The following GRM7 variants were observed in gnomAD, a reference collection of about 807,000 sequenced individuals.
The protein encoded by GRM7 is glutamate metabotropic receptor 7.
GRM7 carries 35 observed loss-of-function variants against 84.5 expected under a neutral mutation model. That is an observed-to-expected ratio of 0.41 (90% CI 0.32 to 0.55). The LOEUF is 0.55. GRM7 is among the 20% of genes least tolerant of loss of function. The probability of loss-of-function intolerance (pLI) is 0.19; values close to 1 mark genes in which losing one functional copy is unlikely to be tolerated. For synonymous variants in GRM7, 487 were observed against 455.1 expected, an observed-to-expected ratio of 1.07 and a Z score of -0.89; for missense variants, 1,003 against 1,194.6, an observed-to-expected ratio of 0.84 and a Z score of 2.36.
chr3:7,455,508 T>A (rs140258872), intron 6 of GRM7, among the ~76,000 whole-genome samples: 2 of 152,300 alleles, frequency 1.3e-5, no homozygotes, highest in African/African-American at 2.4e-5. Flanking sequence ...CCTTTTGATA[T>A]GATACACTGG....
rs1457925901 is a variant in GRM7 at position 6,861,533 on chromosome 3, G to A, written c.145G>A (p.Val49Ile). 1 of 1,580,322 alleles carries A rather than the reference G, an allele frequency of 6.3e-7. No individual in the cohort carries two copies. The highest frequency in any genetic ancestry group is 1.3e-5 in the African/African-American group (1 of 74,238). ...APHSIRIEGD[V>I]TLGGLFPVHA... ...GCACTCAATCCGGATCGAGGGGGACGTCACCCTCGGGGGGCTGTTCCCCGT... is the reference window on the plus strand; with the variant it reads ...GCACTCAATCCGGATCGAGGGGGACATCACCCTCGGGGGGCTGTTCCCCGT... Residue 49 changes from valine to isoleucine, a missense_variant, in exon 1 of 10, where the codon GTC becomes ATC. Val to Ile is a conservative substitution (Grantham distance 29). Transcript: ENST00000357716. This position sits in a 1 kb window ranked among gnomAD's most constrained non-coding sequence, Gnocchi z 6.4.
At chr3:7,190,174 C>G (rs1490671421) in intron 2 of GRM7, among the ~76,000 whole-genome samples, 1 of 152,134 alleles carries the variant, frequency 6.6e-6, no homozygotes, top group Non-Finnish European at 1.5e-5. Flanking sequence ...TCCATTGACA[C>G]TATCTGCAAA....
intron 1 of GRM7, among the ~76,000 whole-genome samples, chr3:6,997,818 C>T (rs1281168566): frequency 1.3e-5 from 2 of 152,062 alleles, no homozygotes; most frequent in East Asian, 1.9e-4. Context: ...GTTCTTTCAT[C>T]CCATAAGTCT....
chr3:7,064,543 G>A (rs1328934872), intron 1 of GRM7, among the ~76,000 whole-genome samples: 1 of 90,258 alleles, frequency 1.1e-5, no homozygotes, highest in Admixed American at 1.1e-4. Context: ...CATCCATCAT[G>A]TATGGATATA....
chr3:7,019,026 A>C (rs1695675310), intron 1 of GRM7, among the ~76,000 whole-genome samples: 1 of 152,182 alleles, frequency 6.6e-6, no homozygotes, highest in African/African-American at 2.4e-5. Flanking sequence ...GAACCCGGGA[A>C]GCGGAAGTTG....
intron 8 of GRM7, among the ~76,000 whole-genome samples, chr3:7,645,202 G>T (rs1260017771): frequency 6.6e-6 from 1 of 151,988 alleles, no homozygotes; most frequent in Non-Finnish European, 1.5e-5. Flanking sequence ...CCTAAACTGA[G>T]GTAGATGGAT....
chr3:7,260,431 G>A (rs957966935), intron 2 of GRM7, among the ~76,000 whole-genome samples: 2 of 152,174 alleles, frequency 1.3e-5, no homozygotes, highest in Admixed American at 6.5e-5. Context: ...TTCAGTCTTG[G>A]GAGGATGTAG....
chr3:7,443,985 G>A (rs1343489566), intron 5 of GRM7, among the ~76,000 whole-genome samples: 1 of 152,112 alleles, frequency 6.6e-6, no homozygotes. Flanking sequence ...AACAAAACAG[G>A]AGGAGGAAAA....
chr3:7,677,906 G>A (rs1700199992), intron 8 of GRM7, among the ~76,000 whole-genome samples: 1 of 152,200 alleles, frequency 6.6e-6, no homozygotes, highest in Non-Finnish European at 1.5e-5. Context: ...TATATACCAT[G>A]AAATATTATG....
intron 5 of GRM7, among the ~76,000 whole-genome samples, chr3:7,439,300 A>G (rs1382213216): frequency 1.3e-5 from 2 of 152,150 alleles, no homozygotes; most frequent in Non-Finnish European, 2.9e-5. Context: ...AAGGTCAGCA[A>G]TATTTACTGT....
At chr3:7,676,509 A>G (rs1700128215) in intron 8 of GRM7, among the ~76,000 whole-genome samples, 2 of 152,072 alleles carry the variant, frequency 1.3e-5, no homozygotes, top group Non-Finnish European at 2.9e-5. Flanking sequence ...CCAGGCTGGG[A>G]ATGCAGTGAT....
intron 7 of GRM7, among the ~76,000 whole-genome samples, chr3:7,493,258 AAT>A (rs1699587086): frequency 6.6e-6 from 1 of 152,016 alleles, no homozygotes. Flanking sequence ...CTGAACAGGA[AAT>A]GTTGAACTCT....
At position 6,945,476 on chromosome 3, in the gene GRM7, A is replaced by G. The variant is rs145707345; in HGVS notation, c.519+83569A>G. Among the ~76,000 whole-genome samples the G allele has an allele frequency of 2.3e-3, 345 of 151,650 alleles. 2 individuals are homozygous for G. Among genetic ancestry groups the G allele is most frequent in the African/African-American group, 8.1e-3 (331 of 41,006 alleles). ...CCAGTCTATCATTGTTGGACATTTC[A>G]GTTGGTTCCAAGTCTTTGCTCTTGT... On this transcript the variant is annotated intron_variant, in intron 1 of 9. Transcript: ENST00000357716.
chr3:7,332,401 T>A (rs2125067462), intron 4 of GRM7, among the ~76,000 whole-genome samples: 1 of 152,274 alleles, frequency 6.6e-6, no homozygotes, highest in Non-Finnish European at 1.5e-5. Context: ...CAAAGAAAAT[T>A]TGTGTTGAGA....
At chr3:7,690,244 C>T (rs1253905371) in intron 9 of GRM7, among the ~76,000 whole-genome samples, 1 of 152,054 alleles carries the variant, frequency 6.6e-6, no homozygotes, top group Non-Finnish European at 1.5e-5. Context: ...GTCTTTGTGC[C>T]TTTAAGTACA....
At chr3:7,065,048 C>A (rs1388901345) in intron 1 of GRM7, among the ~76,000 whole-genome samples, 1 of 151,488 alleles carries the variant, frequency 6.6e-6, no homozygotes, top group Non-Finnish European at 1.5e-5. Context: ...TTGTTTTTTT[C>A]TTACTGATTT....
intron 1 of GRM7, among the ~76,000 whole-genome samples, chr3:6,899,820 T>G (rs1354217247): frequency 6.6e-6 from 1 of 152,174 alleles, no homozygotes; most frequent in Admixed American, 6.5e-5. Context: ...TTTAATCAAC[T>G]TCAGAGGTGA....
At chr3:7,415,637 G>A (rs889351124) in intron 5 of GRM7, among the ~76,000 whole-genome samples, 5 of 152,034 alleles carry the variant, frequency 3.3e-5, no homozygotes, top group East Asian at 1.9e-4. Flanking sequence ...AAATATTCAC[G>A]GCTCCTTATA....
rs545129242 is a variant in GRM7, at chr3:7,676,634, A to G, written c.2452-3415A>G. ...CCACCACACCTGGTGGGGTTTTGCC[A>G]TGTTGGCCAGGCTGGTCTTGAATGC... On this transcript the variant is annotated intron_variant, in intron 8 of 9. Transcript: ENST00000357716. 9.3e-4 allele frequency among the ~76,000 whole-genome samples: 141 copies of G among 152,064 alleles called. 2 individuals carry two copies. The South Asian group carries it at 0.026, about 29-fold the overall frequency.
Sources: allele counts gnomAD v4.1 joint callset (sites outside exome capture counted in the v4.1 genomes callset), GRCh38; gene constraint gnomAD v4.1.1; non-coding constraint Gnocchi (gnomAD v3.1); transcripts MANE v1.5; gene names NCBI Gene and HGNC (gene_info 2026-07-23, HGNC 2026-07-21).